DPYD: variants seen among roughly 807,000 people sequenced by gnomAD.
DPYD encodes the protein dihydropyrimidine dehydrogenase.
In DPYD, 109 loss-of-function variants were observed where a neutral mutation model predicts 116.2. The ratio of observed to expected loss-of-function variants is 0.94; its 90% CI spans 0.80 to 1.10. The LOEUF (loss-of-function observed/expected upper bound fraction) is 1.10, where lower values mean the gene tolerates loss of function less well. DPYD is among the 50% of genes least tolerant of loss of function. The probability of loss-of-function intolerance (pLI) is 0.00; values close to 1 mark genes in which losing one functional copy is unlikely to be tolerated. For missense variants in DPYD, 1,302 were observed against 1,254.5 expected, an observed-to-expected ratio of 1.04 and a Z score of -0.57; for synonymous variants, 440 against 432.0, an observed-to-expected ratio of 1.02 and a Z score of -0.23.
chr1:97,273,671 G>C (rs987507673), intron 18 of DPYD, among the ~76,000 whole-genome samples: 3 of 152,098 alleles, frequency 2.0e-5, no homozygotes, highest in South Asian at 4.1e-4. Context: ...TTTCCTGGAG[G>C]ATTTGTATGT....
At chr1:97,574,053 C>G in intron 10 of DPYD, 83 bp from the exon 11 acceptor site, 1 of 1,561,514 alleles carries the variant, frequency 6.4e-7, no homozygotes, top group Non-Finnish European at 8.7e-7. Flanking sequence ...ATTACACATG[C>G]TAAAGCTTAT....
intron 3 of DPYD, among the ~76,000 whole-genome samples, chr1:97,814,498 G>A (rs1668482236): frequency 6.6e-6 from 1 of 152,044 alleles, no homozygotes; most frequent in Non-Finnish European, 1.5e-5. Flanking sequence ...AAACAAAACT[G>A]GACAGATTCC....
chr1:97,521,002 T>G (rs1648616259), intron 12 of DPYD, among the ~76,000 whole-genome samples: 1 of 152,132 alleles, frequency 6.6e-6, no homozygotes, highest in Admixed American at 6.6e-5. Context: ...GTAATGGGAT[T>G]GCTGGGTCAA....
At chr1:97,808,470 C>A (rs1668186651) in intron 3 of DPYD, among the ~76,000 whole-genome samples, 1 of 152,064 alleles carries the variant, frequency 6.6e-6, no homozygotes, top group African/African-American at 2.4e-5. Context: ...ATCTGGCAAC[C>A]TTGCCTATTA....
At chr1:97,273,161 A>G (rs567120374) in intron 18 of DPYD, among the ~76,000 whole-genome samples, 1 of 152,288 alleles carries the variant, frequency 6.6e-6, no homozygotes, top group South Asian at 2.1e-4. Flanking sequence ...GTTATGACAT[A>G]CAATTTTCAA....
chr1:97,460,527 T>A (rs926851499), intron 13 of DPYD, among the ~76,000 whole-genome samples: 1 of 152,180 alleles, frequency 6.6e-6, no homozygotes, highest in East Asian at 1.9e-4. Context: ...TGCGTTGATA[T>A]GCTGAGTACT....
At chr1:97,700,418 TA>T (rs1478560747) in intron 5 of DPYD, 1 of 376,322 alleles carries the variant, frequency 2.7e-6, no homozygotes, top group African/African-American at 2.1e-5. Flanking sequence ...CTGGAGTGAC[TA>T]AATAAGAAAG....
intron 13 of DPYD, among the ~76,000 whole-genome samples, chr1:97,502,079 C>T (rs1183332811): frequency 6.6e-6 from 1 of 151,978 alleles, no homozygotes; most frequent in Non-Finnish European, 1.5e-5. Flanking sequence ...TCCTTTATCG[C>T]TTTTCTTTCA....
At chr1:97,331,113 A>G (rs185315655) in intron 16 of DPYD, among the ~76,000 whole-genome samples, 2 of 152,286 alleles carry the variant, frequency 1.3e-5, no homozygotes, top group Admixed American at 1.3e-4. Context: ...AAAGCTTCTA[A>G]GAGTTAGGAT....
intron 20 of DPYD, among the ~76,000 whole-genome samples, chr1:97,190,536 A>T (rs1658277657): frequency 6.6e-6 from 1 of 152,148 alleles, no homozygotes; most frequent in Non-Finnish European, 1.5e-5. Flanking sequence ...TGTTGTGCCA[A>T]AGCTGATGAC....
intron 12 of DPYD, among the ~76,000 whole-genome samples, chr1:97,533,637 T>A (rs1035930584): frequency 2.0e-5 from 3 of 152,132 alleles, no homozygotes. Flanking sequence ...TAAGCTGACA[T>A]TTAAGACAGG....
intron 2 of DPYD, among the ~76,000 whole-genome samples, chr1:97,866,420 T>C (rs1256909635): frequency 6.6e-6 from 1 of 151,962 alleles, no homozygotes; most frequent in African/African-American, 2.4e-5. Context: ...TCAATTTTTA[T>C]ATTGTGTGAC....
chr1:97,557,781 C>T lies in DPYD; in HGVS notation c.1340-8037G>A, dbSNP rs1412872794. ...TACATTCCATTAACATCACTGTCAA[C>T]TAAAGAAGAATGTTAGAAAAAATAA... On this transcript the variant is annotated intron_variant, in intron 11 of 22. Coordinates refer to ENST00000370192, the MANE Select transcript of DPYD (RefSeq NM_000110.4). 3.9e-5 allele frequency among the ~76,000 whole-genome samples: 6 copies of T among 152,216 alleles called. No homozygotes were observed. In the East Asian group the frequency reaches 9.7e-4, roughly 24 times the overall value.
chr1:97,290,791 C>G (rs1478536611), intron 18 of DPYD, among the ~76,000 whole-genome samples: 3 of 152,112 alleles, frequency 2.0e-5, no homozygotes, highest in African/African-American at 4.8e-5. Flanking sequence ...GACTTCATGT[C>G]TAAAACACCA....
chr1:97,434,750 T>C (rs1461219115), intron 14 of DPYD, among the ~76,000 whole-genome samples: 1 of 152,112 alleles, frequency 6.6e-6, no homozygotes, highest in East Asian at 1.9e-4. Context: ...TGCGTAAGTA[T>C]ATATGCATAG....
chr1:97,323,345 CAT>C (rs1491378029), intron 16 of DPYD, among the ~76,000 whole-genome samples: 3 of 22,604 alleles, frequency 1.3e-4, no homozygotes, highest in African/African-American at 3.7e-4. Context: ...CGTATATATA[CAT>C]GTGTATATGT....
intron 12 of DPYD, among the ~76,000 whole-genome samples, chr1:97,537,412 C>G (rs1347771797): frequency 6.6e-6 from 1 of 152,144 alleles, no homozygotes. Flanking sequence ...TATAAACAAG[C>G]CTTTTTTCCT....
chr1:97,678,002 T>C (rs1660236376), intron 8 of DPYD, among the ~76,000 whole-genome samples: 1 of 152,182 alleles, frequency 6.6e-6, no homozygotes, highest in Non-Finnish European at 1.5e-5. Flanking sequence ...GATGAGTTTA[T>C]ATTAAAAATG....
intron 16 of DPYD, among the ~76,000 whole-genome samples, chr1:97,349,523 T>G (rs887295121): frequency 1.3e-5 from 2 of 151,942 alleles, no homozygotes; most frequent in African/African-American, 4.8e-5. Flanking sequence ...CAGGCCCTGG[T>G]GTGTGATGTT....
Sources: gnomAD v4.1 joint callset for allele counts (sites outside exome capture counted in the v4.1 genomes callset) on GRCh38, gnomAD v4.1.1 for gene constraint, MANE v1.5 for transcripts, NCBI Gene and HGNC (gene_info 2026-07-23, HGNC 2026-07-21) for gene names.